KLC1: variants seen among roughly 807,000 people sequenced by gnomAD.
KLC1 encodes the protein kinesin light chain 1.
KLC1 carries 30 observed loss-of-function variants against 84.2 expected under a neutral mutation model. The observed-to-expected ratio is 0.36, with a 90% CI of 0.27 to 0.48. The LOEUF (loss-of-function observed/expected upper bound fraction) is 0.48. Ranked by LOEUF, KLC1 falls within the 20% of genes least tolerant of loss-of-function variation. The pLI, the probability that KLC1 is intolerant of heterozygous loss-of-function variation, is 0.99. For missense variants in KLC1, 499 were observed against 805.4 expected, an observed-to-expected ratio of 0.62 and a Z score of 4.60; for synonymous variants, 289 against 293.3, an observed-to-expected ratio of 0.99 and a Z score of 0.15.
intron 14 of KLC1, chr14:103,688,198 T>A (rs2081901337): frequency 6.6e-6 from 1 of 152,286 alleles, no homozygotes; most frequent in Non-Finnish European, 1.5e-5. Context: ...TTCCCCAAGC[T>A]GGAGTGCAAT....
intron 13 of KLC1, chr14:103,685,421 A>G: frequency 8.4e-7 from 1 of 1,195,856 alleles, no homozygotes. Flanking sequence ...TTGGGAATGG[A>G]CCAGTCTGGA....
Position 103,655,088 on chromosome 14 carries a change from C to T in KLC1, c.261+263C>T, listed in dbSNP as rs1405627007. ...CTAAAAATACAAAAATTAGCCGGGC[C>T]TGGTGGCTGGCGTGTGTAATCCAGC... On this transcript the variant is annotated intron_variant, in intron 2 of 16. Coordinates refer to ENST00000334553, the MANE Select transcript of KLC1 (RefSeq NM_001394837.1). Among the ~76,000 whole-genome samples, 6 of 151,934 alleles carry T rather than the reference C, an allele frequency of 3.9e-5. No individual in the cohort carries two copies. In the East Asian group the frequency reaches 7.9e-4, roughly 20 times the overall value.
In KLC1 at chr14:103,685,606, C is replaced by T. The variant is rs78061944; in HGVS notation, c.1651-1475C>T. On this transcript the variant is annotated intron_variant, in intron 13 of 16. Transcript: ENST00000334553. ...GTTGCCTTTCCTCGCCGCGGTTTCACGTGGGTTTTCTCTCTCCTTTCTGTC... is the reference window on the plus strand; with the variant it reads ...GTTGCCTTTCCTCGCCGCGGTTTCATGTGGGTTTTCTCTCTCCTTTCTGTC... 4,366 of 1,289,292 alleles carry T rather than the reference C, an allele frequency of 3.4e-3. 126 individuals carry two copies. In the African/African-American group the frequency reaches 0.059, roughly 17 times the overall value. 79.9% of individuals were successfully genotyped at this position (1,289,292 alleles called of 1,614,324 possible). A position where few individuals can be genotyped will look rare whatever the true frequency, so the allele number is the denominator to read the frequency against.
intron 11 of KLC1, among the ~76,000 whole-genome samples, chr14:103,677,118 G>A (rs931171147): frequency 6.6e-6 from 1 of 151,908 alleles, no homozygotes; most frequent in Middle Eastern, 3.4e-3. Flanking sequence ...ACCTGGCCCA[G>A]ATGTTTCTGT....
At chr14:103,643,193 G>C (rs945293818) in intron 1 of KLC1, among the ~76,000 whole-genome samples, 3 of 152,212 alleles carry the variant, frequency 2.0e-5, no homozygotes, top group African/African-American at 7.2e-5. Context: ...AGAATAGACT[G>C]ATCTCCCTTA....
chr14:103,694,621 G>T lies in KLC1; in HGVS notation c.1848+2196G>T. On this transcript the variant is annotated intron_variant, in intron 15 of 16. Coordinates refer to ENST00000334553, the MANE Select transcript of KLC1 (RefSeq NM_001394837.1). The surrounding 1 kb of genome is among the most constrained non-coding windows in gnomAD (Gnocchi z 4.5). The stretch of plus-strand genomic sequence containing the variant: ...GAGGTGATCAGTGATTCCAAAGGCT[G>T]ACGCTCAGCAGCGCCACCTCCATGC... 1.0e-6 allele frequency: 1 copy of T among 985,482 alleles called. No individual in the cohort carries two copies. The highest frequency in any genetic ancestry group is 1.2e-6 in the Non-Finnish European group (1 of 829,946). 61.0% of individuals were successfully genotyped at this position (985,482 alleles called of 1,614,324 possible). A position where few individuals can be genotyped will look rare whatever the true frequency, so the allele number is the denominator to read the frequency against.
chr14:103,695,169 T>G, intron 15 of KLC1: 1 of 905,848 alleles, frequency 1.1e-6, no homozygotes, highest in Non-Finnish European at 1.3e-6. Flanking sequence ...TATATATATA[T>G]ATATGGCTGG....
intron 1 of KLC1, among the ~76,000 whole-genome samples, chr14:103,637,177 A>G (rs1168735017): frequency 6.6e-6 from 1 of 151,854 alleles, no homozygotes; most frequent in Non-Finnish European, 1.5e-5. Context: ...ATTTTTTGGT[A>G]GTGCCTTTTA....
chr14:103,657,670 A>C lies in KLC1; in HGVS notation c.386A>C (p.Gln129Pro), dbSNP rs749649457. The C allele has an allele frequency of 6.2e-7, 1 of 1,614,230 alleles. No homozygotes were observed. The highest frequency in any genetic ancestry group is 1.7e-5 in the Admixed American group (1 of 60,016). The change falls in exon 3 of 17, where the codon CAG (glutamine) becomes CCG (proline). Residue 129 changes from glutamine (Q) to proline (P), a missense_variant. By Grantham distance (76) the Gln-to-Pro change is moderately conservative (BLOSUM62 -1). This residue lies in a region of KLC1 where 179 missense variants were observed against 264.2 expected (regional missense o/e 0.68). Coordinates refer to ENST00000334553, the MANE Select transcript of KLC1 (RefSeq NM_001394837.1). Reference protein sequence around the residue: ...WLRDELANTQQKLQKSEQSVA... With the variant: ...WLRDELANTQPKLQKSEQSVA... The stretch of plus-strand genomic sequence containing the variant: ...CGGGATGAACTGGCCAACACGCAGC[A>C]GAAACTGCAGAAGAGTGAGCAGTCT...
intron 15 of KLC1, chr14:103,696,905 AGCCC>A (rs2082574176): frequency 1.0e-6 from 1 of 985,252 alleles, no homozygotes; most frequent in Non-Finnish European, 1.2e-6. Flanking sequence ...CTGCCAGGCC[AGCCC>A]GTCTGCAGAC....
chr14:103,700,059 G>A (rs1310243562), intron 15 of KLC1: 1 of 238,742 alleles, frequency 4.2e-6, no homozygotes. Context: ...CTCTTCAGAC[G>A]CTCAGCAAGG....
chr14:103,643,474 A>G (rs1322651203), intron 1 of KLC1, among the ~76,000 whole-genome samples: 3 of 152,242 alleles, frequency 2.0e-5, no homozygotes, highest in Non-Finnish European at 2.9e-5. Flanking sequence ...CAAACCCTGT[A>G]AAATATTTGA....
intron 13 of KLC1, chr14:103,685,310 T>C (rs2081696318): frequency 3.0e-6 from 4 of 1,319,216 alleles, no homozygotes; most frequent in African/African-American, 1.5e-5. Flanking sequence ...AATCTCCTTA[T>C]ATACAGTTAC....
intron 1 of KLC1, among the ~76,000 whole-genome samples, chr14:103,646,489 T>C (rs1383770806): frequency 6.6e-6 from 1 of 151,970 alleles, no homozygotes; most frequent in African/African-American, 2.4e-5. Flanking sequence ...TTAATTAAAA[T>C]ATTATATGTA....
chr14:103,638,846 G>A (rs2077261882), intron 1 of KLC1, among the ~76,000 whole-genome samples: 1 of 151,882 alleles, frequency 6.6e-6, no homozygotes, highest in Non-Finnish European at 1.5e-5. Flanking sequence ...AGGGGTGTGT[G>A]TGAGCACAGT....
At chr14:103,641,459 G>C (rs888369012) in intron 1 of KLC1, among the ~76,000 whole-genome samples, 2 of 152,194 alleles carry the variant, frequency 1.3e-5, no homozygotes, top group African/African-American at 4.8e-5. Context: ...AGTCCTGGAG[G>C]CTGGAAGTCT....
chr14:103,665,043 C>A (rs560056504), intron 5 of KLC1, among the ~76,000 whole-genome samples: 42 of 151,850 alleles, frequency 2.8e-4, no homozygotes, highest in African/African-American at 7.3e-4. Context: ...AGAGTTGACC[C>A]ACGTGCGTAG....
intron 9 of KLC1, among the ~76,000 whole-genome samples, chr14:103,673,859 C>A (rs550943536): frequency 1.4e-4 from 21 of 151,994 alleles, no homozygotes; most frequent in Admixed American, 1.3e-3. Flanking sequence ...GGAGGCGGAT[C>A]TTGCAGTGAG....
intron 1 of KLC1, among the ~76,000 whole-genome samples, chr14:103,645,224 C>T (rs1485246282): frequency 6.6e-6 from 1 of 151,978 alleles, no homozygotes; most frequent in African/African-American, 2.4e-5. Context: ...CCGCCCGCCT[C>T]GGCCTCCCAA....
Sources: gnomAD v4.1 joint callset for allele counts (sites outside exome capture counted in the v4.1 genomes callset) on GRCh38, gnomAD v4.1.1 for gene constraint, gnomAD v4.1.1 regional missense constraint, Gnocchi (gnomAD v3.1) non-coding constraint, MANE v1.5 for transcripts, NCBI Gene and HGNC (gene_info 2026-07-23, HGNC 2026-07-21) for gene names.